DNAJB6: variants seen among roughly 807,000 people sequenced by gnomAD.
DNAJB6 encodes the protein dnaJ homolog subfamily B member 6.
A neutral mutation model predicts 42.7 loss-of-function variants in DNAJB6; 16 were observed. The observed-to-expected ratio is 0.37, with a 90% CI of 0.25 to 0.57. The LOEUF is 0.57. Ranked by LOEUF, DNAJB6 falls within the 20% of genes least tolerant of loss-of-function variation. The pLI, the probability that DNAJB6 is intolerant of heterozygous loss-of-function variation, is 0.74. For synonymous variants in DNAJB6, 170 were observed against 163.5 expected (o/e 1.04, Z -0.30); for missense variants, 347 against 416.8 (o/e 0.83, Z 1.46).
At chr7:157,361,745 TATTCATTC>T (rs56963367) in intron 2 of DNAJB6, among the ~76,000 whole-genome samples, 3,793 of 150,974 alleles carry the variant, frequency 0.025, 45 homozygotes, top group Non-Finnish European at 0.031. Context: ...GATTTTTTTG[TATTCATTC>T]ATTCATTCAT....
intron 9 of DNAJB6, chr7:157,413,428 C>T (rs1464168817): frequency 2.0e-5 from 3 of 152,230 alleles, no homozygotes; most frequent in African/African-American, 7.2e-5. Context: ...TAACCCTGCC[C>T]TCAGCTTTCA....
intron 8 of DNAJB6, among the ~76,000 whole-genome samples, chr7:157,402,775 T>G (rs1368603874): frequency 6.6e-6 from 1 of 152,216 alleles, no homozygotes; most frequent in Non-Finnish European, 1.5e-5. Flanking sequence ...AGCCACTCTT[T>G]GGCCCCTGCA....
intron 1 of DNAJB6, among the ~76,000 whole-genome samples, chr7:157,338,050 T>C (rs758466602): frequency 1.3e-5 from 2 of 152,214 alleles, no homozygotes; most frequent in South Asian, 2.1e-4. Context: ...CGGCGCTCTT[T>C]GTAGTTTTCA....
intron 1 of DNAJB6, among the ~76,000 whole-genome samples, chr7:157,348,807 C>T (rs1033842201): frequency 6.6e-6 from 1 of 152,142 alleles, no homozygotes; most frequent in East Asian, 1.9e-4. Flanking sequence ...CTCCCAGCAC[C>T]CTCACACTGA....
In DNAJB6 at chr7:157,384,981, T is replaced by C; in HGVS notation, c.593T>C (p.Val198Ala). Residue 198 changes from valine (V) to alanine (A), a missense_variant, in exon 7 of 10, where the codon GTT (valine) becomes GCT (alanine). Transcript: ENST00000262177. ...FKSISTSTKMVNGRKITTKRI... is the reference protein window; with the variant it reads ...FKSISTSTKMANGRKITTKRI... ...TCGATATCAACTTCAACTAAAATGG[T>C]TAATGGCAGAAAAATCACTACAAAG... 2 of 1,614,192 alleles carry C rather than the reference T, an allele frequency of 1.2e-6. No homozygotes were observed. The highest frequency in any genetic ancestry group is 1.1e-5 in the South Asian group (1 of 91,078).
chr7:157,371,337 T>G (rs1256395416), intron 5 of DNAJB6, among the ~76,000 whole-genome samples: 1 of 152,246 alleles, frequency 6.6e-6, no homozygotes, highest in Non-Finnish European at 1.5e-5. Flanking sequence ...CACTTTACAT[T>G]TATCAGAATG....
intron 1 of DNAJB6, among the ~76,000 whole-genome samples, chr7:157,341,769 G>A (rs1273679000): frequency 6.6e-6 from 1 of 152,208 alleles, no homozygotes; most frequent in African/African-American, 2.4e-5. Context: ...TCTAGTTTGT[G>A]TATGTCCTGA....
intron 2 of DNAJB6, among the ~76,000 whole-genome samples, chr7:157,361,745 T>TATTCATTC (rs56963367): frequency 0.015 from 2,216 of 150,976 alleles, 36 homozygotes; most frequent in African/African-American, 0.039. Flanking sequence ...GATTTTTTTG[T>TATTCATTC]ATTCATTCAT....
At position 157,389,452 on chromosome 7, in the gene DNAJB6, ATTTGAATACTTGG is replaced by A. The variant is rs987147528; in HGVS notation, c.691+3845_691+3857del. 5.3e-5 allele frequency among the ~76,000 whole-genome samples: 8 copies of A among 152,298 alleles called. 1 individual carries two copies. Among genetic ancestry groups the A allele is most frequent in the African/African-American group, 1.9e-4 (8 of 41,560 alleles). Reference sequence around the variant, plus strand: ...TCAAGCACAAAATTATGTTTAGTTGATTTGAATACTTGGTTTCGTGGGGTCTGGAGGGGACTGA... The same window carrying A: ...TCAAGCACAAAATTATGTTTAGTTGATTTCGTGGGGTCTGGAGGGGACTGA... On this transcript the variant is annotated intron_variant, in intron 8 of 9. Transcript: ENST00000262177.
intron 8 of DNAJB6, among the ~76,000 whole-genome samples, chr7:157,393,173 A>G (rs985598338): frequency 1.3e-5 from 2 of 152,002 alleles, no homozygotes; most frequent in African/African-American, 4.8e-5. Context: ...ACGGAGTTTC[A>G]CTATTTTGGT....
chr7:157,372,126 T>C (rs1046690940), intron 5 of DNAJB6: 2 of 152,684 alleles, frequency 1.3e-5, no homozygotes, highest in African/African-American at 4.8e-5. Flanking sequence ...ATGATAGTAG[T>C]CAGTCATTTT....
At chr7:157,346,332 A>G (rs988456060) in intron 1 of DNAJB6, among the ~76,000 whole-genome samples, 2 of 151,438 alleles carry the variant, frequency 1.3e-5, no homozygotes, top group Admixed American at 1.3e-4. Flanking sequence ...AAAAAAAAAA[A>G]AAAAAGTTAA....
At chr7:157,397,050 C>G (rs910189294) in intron 8 of DNAJB6, among the ~76,000 whole-genome samples, 1 of 152,322 alleles carries the variant, frequency 6.6e-6, no homozygotes, top group South Asian at 2.1e-4. Context: ...CTGTCCACAC[C>G]CCTCTCACCG....
chr7:157,340,180 C>T (rs1190151805), intron 1 of DNAJB6: 1 of 152,176 alleles, frequency 6.6e-6, no homozygotes, highest in Non-Finnish European at 1.5e-5. Context: ...TTATTTGCAT[C>T]GAGGTTACAC....
intron 1 of DNAJB6, chr7:157,337,394 C>A: frequency 6.6e-6 from 1 of 152,094 alleles, no homozygotes; most frequent in South Asian, 1.9e-4. Flanking sequence ...CCTCCCCGCC[C>A]GGCGTCCTTG....
At chr7:157,369,371 GT>G (rs1800001144) in intron 5 of DNAJB6, 1 of 456,604 alleles carries the variant, frequency 2.2e-6, no homozygotes, top group African/African-American at 2.0e-5. Context: ...ACAGGGCAGT[GT>G]TTGGGTTGAA....
In DNAJB6 at chr7:157,378,979, T is replaced by A. The variant is rs3802091; in HGVS notation, c.347-3267T>A. The A allele has an allele frequency of 5.9e-5, 9 of 152,318 alleles. No individual in the cohort carries two copies. The East Asian group carries it at 1.7e-3, about 29-fold the overall frequency. The allele number at this position is 152,318 out of a possible 1,614,324, so 9.4% of individuals were successfully genotyped here. On this transcript the variant is annotated intron_variant, in intron 5 of 9. Transcript: ENST00000262177. ...TTTAGGGTAATTTGTGATTTTAATATTTGAAATTATACGAGTTAAAATTCA... is the reference window on the plus strand; with the variant it reads ...TTTAGGGTAATTTGTGATTTTAATAATTGAAATTATACGAGTTAAAATTCA...
chr7:157,410,049 C>G lies in DNAJB6; in HGVS notation c.898+48C>G, dbSNP rs757092318. 13 of 1,485,690 alleles carry G rather than the reference C, an allele frequency of 8.8e-6. No individual in the cohort carries two copies. The African/African-American group carries it at 1.8e-4, about 21-fold the overall frequency. 92.0% of individuals were successfully genotyped at this position (1,485,690 alleles called of 1,614,324 possible). ...GGAGCAGGCGCAGAGTGAGACTTCT[C>G]TGGGTGCCAGAGGACAGCGAGGACA... On this transcript the variant is annotated intron_variant, in intron 9 of 9. Transcript: ENST00000262177.
intron 1 of DNAJB6, among the ~76,000 whole-genome samples, chr7:157,339,282 T>A (rs909770731): frequency 2.5e-5 from 1 of 40,298 alleles, no homozygotes; most frequent in South Asian, 6.7e-4. Flanking sequence ...TGTTTGCACC[T>A]TTTTTTTTTT....
Sources: allele counts gnomAD v4.1 joint callset (sites outside exome capture counted in the v4.1 genomes callset), GRCh38; gene constraint gnomAD v4.1.1; transcripts MANE v1.5; gene names NCBI Gene and HGNC (gene_info 2026-07-23, HGNC 2026-07-21).